Variants in FUZ observed in about 807,000 individuals in gnomAD.
FUZ encodes the protein fuzzy planar cell polarity protein.
FUZ carries 31 observed loss-of-function variants against 43.1 expected under a neutral mutation model. The observed-to-expected ratio is 0.72, with a 90% CI of 0.54 to 0.97. FUZ has a LOEUF of 0.97. Among genes scored for constraint, FUZ ranks in the 50% least tolerant of loss-of-function variants. The probability of loss-of-function intolerance (pLI) is 0.00; values close to 1 mark genes in which losing one functional copy is unlikely to be tolerated. For missense variants in FUZ, 539 were observed against 543.8 expected, an observed-to-expected ratio of 0.99 and a Z score of 0.09; for synonymous variants, 274 against 250.0, an observed-to-expected ratio of 1.10 and a Z score of -0.91.
chr19:49,810,006 G>A (rs2073683303), intron 5 of FUZ: 1 of 316,068 alleles, frequency 3.2e-6, no homozygotes, highest in Non-Finnish European at 6.1e-6. Context: ...GAGGCAGGAG[G>A]AAGAACATGC....
chr19:49,810,417 G>A (rs2073707005), intron 5 of FUZ, among the ~76,000 whole-genome samples: 1 of 152,028 alleles, frequency 6.6e-6, no homozygotes, highest in Non-Finnish European at 1.5e-5. Context: ...GCTCATGCCT[G>A]TAATCCCAGC....
rs1050600061 is a variant in FUZ, at chr19:49,812,939, C to G, written c.111+57G>C. 16 of 1,469,420 alleles carry G rather than the reference C, an allele frequency of 1.1e-5. No individual in the cohort carries two copies. In the African/African-American group the frequency reaches 1.8e-4, roughly 17 times the overall value. The allele number at this position is 1,469,420 out of a possible 1,614,324, so 91.0% of individuals were successfully genotyped here. On this transcript the variant is annotated intron_variant, in intron 1 of 10. Coordinates refer to ENST00000313777, the MANE Select transcript of FUZ (RefSeq NM_025129.5). ...TCCCCAGCCCCTACTGCCTTGAAGA[C>G]CCAGAGTCAAAACACCGAACCCCCT...
At position 49,808,763 on chromosome 19, in the gene FUZ, G is replaced by T; in HGVS notation, c.847C>A (p.Pro283Thr). The change falls in exon 8 of 11, where the codon CCC becomes ACC. Residue 283 changes from proline to threonine, a missense_variant. Coordinates refer to ENST00000313777, the MANE Select transcript of FUZ (RefSeq NM_025129.5). ...DPLRACLPLG[P>T]RALPSGFPLH... ...GGGAAGCCACTGGGCAGCGCCCGGG[G>T]TCCCAACGGCAGACAGGCCCGCAAC... 1 of 1,574,622 alleles carries T rather than the reference G, an allele frequency of 6.4e-7. No individual in the cohort carries two copies. Among genetic ancestry groups the T allele is most frequent in the South Asian group, 1.2e-5 (1 of 86,582 alleles).
intron 10 of FUZ, chr19:49,808,049 CAT>C (rs1045880468): frequency 1.9e-5 from 7 of 377,100 alleles, no homozygotes; most frequent in African/African-American, 1.5e-4. Flanking sequence ...CTCTGCCACT[CAT>C]GAGCTGAGCC....
At chr19:49,808,262 A>G in intron 10 of FUZ, 152 bp downstream of exon 10, 1 of 796,272 alleles carries the variant, frequency 1.3e-6, no homozygotes, top group Non-Finnish European at 2.1e-6. Context: ...CATCTGCATC[A>G]ATGCTCAGAT....
intron 9 of FUZ, 39 bp from the exon 10 acceptor site, chr19:49,808,527 C>A: frequency 6.3e-7 from 1 of 1,596,334 alleles, no homozygotes; most frequent in Non-Finnish European, 8.5e-7. Context: ...AGCGCCTCCC[C>A]GGCCCACGCC....
In FUZ at chr19:49,809,202, G is replaced by C; in HGVS notation, c.747C>G (p.Leu249=). 1 of 1,551,630 alleles carries C rather than the reference G, an allele frequency of 6.4e-7. No homozygotes were observed. Among genetic ancestry groups the C allele is most frequent in the Non-Finnish European group, 8.7e-7 (1 of 1,147,154 alleles). Residue 249 remains leucine (L), a synonymous_variant, in exon 7 of 11, where the codon CTC becomes CTG. Coordinates refer to ENST00000313777, the MANE Select transcript of FUZ (RefSeq NM_025129.5). This position sits in a 1 kb window ranked among gnomAD's most constrained non-coding sequence, Gnocchi z 5.1. ...TLLPSLELCL[L]CGPSPPLSQL... is the part of the protein sequence containing the mutation. ...GGCTGAGGGGTGGGCTCGGCCCGCAGAGTAGACACAGCTCCAGGCTCGGCA... is the reference window on the plus strand; with the variant it reads ...GGCTGAGGGGTGGGCTCGGCCCGCACAGTAGACACAGCTCCAGGCTCGGCA...
chr19:49,807,245 C>T lies in FUZ; in HGVS notation c.1163G>A (p.Arg388Gln), dbSNP rs528957343. The T allele has an allele frequency of 2.9e-5, 46 of 1,613,184 alleles. No individual in the cohort carries two copies. The highest frequency in any genetic ancestry group is 2.5e-4 in the South Asian group (23 of 91,046). The change falls in exon 11 of 11, where the codon CGG becomes CAG. Residue 388 changes from arginine to glutamine, a missense_variant. Transcript: ENST00000313777. ...GGGAGACAGCAGCAGCAGCAGCCGCCGAAGCCCCAGCTGCAAGGCCACCAG... is the reference window on the plus strand; with the variant it reads ...GGGAGACAGCAGCAGCAGCAGCCGCTGAAGCCCCAGCTGCAAGGCCACCAG... ...VRLVALQLGL[R>Q]RLLLLLSPQS...
rs2073830580 is a variant in FUZ, at chr19:49,812,281, C to T, written c.288G>A (p.Glu96=). The change falls in exon 3 of 11, where the codon GAG becomes GAA. Residue 96 remains glutamate, a synonymous_variant. Transcript: ENST00000313777. The stretch of plus-strand genomic sequence containing the variant: ...CTCCAAACACCATTTGGAGTAGTCT[C>T]TCCAGCCTCAGCTCAGAGATGCCCA... ...SEVGISELRL[E]RLLQMVFGAM... is the part of the protein sequence containing the mutation. 1.2e-6 allele frequency: 2 copies of T among 1,613,952 alleles called. No individual in the cohort carries two copies. Among genetic ancestry groups the T allele is most frequent in the African/African-American group, 2.7e-5 (2 of 74,906 alleles).
At chr19:49,812,855 G>T in intron 1 of FUZ, 119 bp from the exon 2 acceptor site, 1 of 1,432,192 alleles carries the variant, frequency 7.0e-7, no homozygotes, top group Non-Finnish European at 9.7e-7. Context: ...GTGCCTCTTT[G>T]GGGAACCAGG....
At position 49,807,280 on chromosome 19, in the gene FUZ, T is replaced by G. The variant is rs2073434057; in HGVS notation, c.1128A>C (p.Thr376=). The change falls in exon 11 of 11, where the codon ACA becomes ACC. Residue 376 remains threonine (T), a synonymous_variant. Coordinates refer to ENST00000313777, the MANE Select transcript of FUZ (RefSeq NM_025129.5). The part of the protein sequence containing the change: ...YLVLGTEEPG[T]GVRLVALQLG... ...GCTGCAAGGCCACCAGACGCACTCC[T>G]GTGCCTGGTTCCTCAGTCCCCAACA... 20 of 1,613,392 alleles carry G rather than the reference T, an allele frequency of 1.2e-5. No homozygotes were observed. Among genetic ancestry groups the G allele is most frequent in the Non-Finnish European group, 1.6e-5 (19 of 1,179,956 alleles).
In FUZ at chr19:49,808,279, G is replaced by A. The variant is rs186368010; in HGVS notation, c.1033+135C>T. On this transcript the variant is annotated intron_variant, in intron 10 of 10. Transcript: ENST00000313777. ...TCTGCATCAATGCTCAGATCTCAAG[G>A]AAAACCACTGCCCTATGGCCCAGTG... 2,843 of 917,406 alleles carry A rather than the reference G, an allele frequency of 3.1e-3. 9 individuals carry two copies. Among genetic ancestry groups the A allele is most frequent in the Non-Finnish European group, 4.3e-3 (2,489 of 583,610 alleles). 56.8% of individuals were successfully genotyped at this position (917,406 alleles called of 1,614,324 possible). A position where few individuals can be genotyped will look rare whatever the true frequency, so the allele number is the denominator to read the frequency against.
chr19:49,811,610 C>A (rs930461774), intron 4 of FUZ, 21 bp downstream of exon 4: 1 of 1,613,086 alleles, frequency 6.2e-7, no homozygotes, highest in Non-Finnish European at 8.5e-7. Context: ...AACTTCCCAC[C>A]CTCATGTCCT....
In FUZ at chr19:49,809,613, C is replaced by G. The variant is rs1284835699; in HGVS notation, c.493-38G>C. ...GGCAGGAGGACTGGGAGTCAGCAGA[C>G]AAGCGTAGGGGGTGGCAGCGACTTC... is the stretch of plus-strand genomic sequence containing the variant. On this transcript the variant is annotated intron_variant, in intron 5 of 10. Coordinates refer to ENST00000313777, the MANE Select transcript of FUZ (RefSeq NM_025129.5). This position sits in a 1 kb window ranked among gnomAD's most constrained non-coding sequence, Gnocchi z 5.1. 2 of 1,552,898 alleles carry G rather than the reference C, an allele frequency of 1.3e-6. No individual in the cohort carries two copies. Among genetic ancestry groups the G allele is most frequent in the East Asian group, 2.3e-5 (1 of 42,564 alleles).
In FUZ at chr19:49,807,102, A is replaced by G. The variant is rs1253067432; in HGVS notation, c.*49T>C. On this transcript the variant is annotated 3_prime_UTR_variant, in exon 11 of 11. Coordinates refer to ENST00000313777, the MANE Select transcript of FUZ (RefSeq NM_025129.5). The stretch of plus-strand genomic sequence containing the variant: ...TGTATTATTGTGAGCGAATAAACAG[A>G]GAGACGCTAACAGCCCCATGTCTGT... 1 of 1,608,702 alleles carries G rather than the reference A, an allele frequency of 6.2e-7. No individual in the cohort carries two copies. The highest frequency in any genetic ancestry group is 2.2e-5 in the East Asian group (1 of 44,634).
At chr19:49,812,818 C>G in intron 1 of FUZ, 82 bp from the exon 2 acceptor site, 1 of 1,569,362 alleles carries the variant, frequency 6.4e-7, no homozygotes, top group Admixed American at 1.7e-5. Flanking sequence ...AGCTCCCAGC[C>G]CCATCCTCTT....
At chr19:49,811,568 G>C (rs2073793537) in intron 4 of FUZ, 63 bp downstream of exon 4, 2 of 1,563,538 alleles carry the variant, frequency 1.3e-6, no homozygotes, top group Non-Finnish European at 1.8e-6. Flanking sequence ...GCTGGGAACT[G>C]TAGTTCCCAA....
rs771338095 is a variant in FUZ at position 49,808,416 on chromosome 19, G to A, written c.1031C>T (p.Pro344Leu). ...YTLVTSTHFP[P>L]EPGPPEKTED... ...GGAGCACTGTGCCTTCCGCTGACCT[G>A]GTGGGAAGTGCGTGGAGGTGACCAG... The change falls in exon 10 of 11, where the codon CCA (proline) becomes CTA (leucine). Residue 344 changes from proline to leucine, a missense_variant and splice_region_variant. Physicochemically the swap from Pro to Leu is moderately conservative, Grantham distance 98. Coordinates refer to ENST00000313777, the MANE Select transcript of FUZ (RefSeq NM_025129.5). 1.9e-6 allele frequency: 3 copies of A among 1,611,796 alleles called. No individual in the cohort carries two copies. The highest frequency in any genetic ancestry group is 2.5e-6 in the Non-Finnish European group (3 of 1,179,316).
rs749517017 is a variant in FUZ, at chr19:49,807,047, C to T, written c.*104G>A. 5.5e-6 allele frequency: 7 copies of T among 1,268,846 alleles called. No homozygotes were observed. The highest frequency in any genetic ancestry group is 2.5e-5 in the South Asian group (2 of 80,934). The allele number at this position is 1,268,846 out of a possible 1,614,324, so 78.6% of individuals were successfully genotyped here. ...CCCTCCCACCCCACCCTGTTGTAGC[C>T]CCTCCTACCCCCTCCCCATCCAGGG... is the stretch of plus-strand genomic sequence containing the variant. On this transcript the variant is annotated 3_prime_UTR_variant, in exon 11 of 11. Coordinates refer to ENST00000313777, the MANE Select transcript of FUZ (RefSeq NM_025129.5).
Sources: allele counts gnomAD v4.1 joint callset (sites outside exome capture counted in the v4.1 genomes callset), GRCh38; gene constraint gnomAD v4.1.1; non-coding constraint Gnocchi (gnomAD v3.1); transcripts MANE v1.5; gene names NCBI Gene and HGNC (gene_info 2026-07-23, HGNC 2026-07-21).